The following RBBP8 variants were observed in gnomAD, a reference collection of about 807,000 sequenced individuals.
RBBP8 encodes RB binding protein 8, endonuclease, also known as DNA endonuclease RBBP8.
A neutral mutation model predicts 108.3 loss-of-function variants in RBBP8; 88 were observed. That is an observed-to-expected ratio of 0.81 (90% confidence interval 0.68 to 0.97). The LOEUF (loss-of-function observed/expected upper bound fraction) is 0.97, where lower values mean the gene tolerates loss of function less well. Ranked by LOEUF, RBBP8 falls within the 50% of genes least tolerant of loss-of-function variation. The pLI, the probability that RBBP8 is intolerant of heterozygous loss-of-function variation, is 0.00. For synonymous variants in RBBP8, 332 were observed against 348.2 expected (o/e 0.95, Z 0.52); for missense variants, 1,023 against 1,049.0 (o/e 0.98, Z 0.34).
chr18:23,008,769 A>ATTTTTTTTTTTT (rs71161355), intron 16 of RBBP8, among the ~76,000 whole-genome samples: 1 of 100,026 alleles, frequency 1.0e-5, no homozygotes, highest in Non-Finnish European at 1.9e-5. Flanking sequence ...TATGACTTTG[A>ATTTTTTTTTTTT]TTTTTTTTTT....
intron 7 of RBBP8, among the ~76,000 whole-genome samples, chr18:22,983,449 G>A (rs1351936543): frequency 6.6e-6 from 1 of 152,110 alleles, no homozygotes; most frequent in Non-Finnish European, 1.5e-5. Context: ...ACTTAAATAG[G>A]AGCTAAGTTA....
intron 4 of RBBP8, among the ~76,000 whole-genome samples, chr18:22,956,768 A>G (rs1290711188): frequency 4.6e-5 from 7 of 152,234 alleles, no homozygotes; most frequent in Non-Finnish European, 8.8e-5. Flanking sequence ...ATTAGATAAT[A>G]AAAAGTTCTA....
chr18:22,923,100 C>T (rs1156598337), intron 3 of RBBP8, among the ~76,000 whole-genome samples: 1 of 152,058 alleles, frequency 6.6e-6, no homozygotes, highest in African/African-American at 2.4e-5. Flanking sequence ...ATCTATCTAC[C>T]GTTAACAACA....
At position 22,968,024 on chromosome 18, in the gene RBBP8, T is replaced by G. The variant is rs566266882; in HGVS notation, c.249-782T>G. On this transcript the variant is annotated intron_variant, in intron 4 of 18. Transcript: ENST00000327155. ...TGCCAAAAGGAAAATATGAGGTGAC[T>G]TTTTCTCCCTTGTATTTCTTGACCT... Among the ~76,000 whole-genome samples, 9 of 152,048 alleles carry G rather than the reference T, an allele frequency of 5.9e-5. No homozygotes were observed. The South Asian group carries it at 1.9e-3, about 32-fold the overall frequency.
At chr18:23,022,656 A>AATAAATAAAATAAAATAAAAAT (rs2046382552) in intron 18 of RBBP8, among the ~76,000 whole-genome samples, 6 of 72,404 alleles carry the variant, frequency 8.3e-5, no homozygotes, top group African/African-American at 2.0e-4. Flanking sequence ...TACAATATAA[A>AATAAATAAAATAAAATAAAAAT]ATAAAATAAA....
intron 5 of RBBP8, among the ~76,000 whole-genome samples, chr18:22,969,746 T>G (rs1357718683): frequency 6.6e-6 from 1 of 152,160 alleles, no homozygotes; most frequent in Non-Finnish European, 1.5e-5. Context: ...CCCGCTTCCC[T>G]CCCTTCTCTT....
Position 22,990,955 on chromosome 18 carries a change from AGC to A in RBBP8, c.827_828del (p.Ser276ThrfsTer4), listed in dbSNP as rs1280737932. On this transcript the variant is annotated frameshift_variant, in exon 10 of 19. Coordinates refer to ENST00000327155, the MANE Select transcript of RBBP8 (RefSeq NM_002894.3). LOFTEE classifies it high-confidence loss of function. ...CTTGAAGGAAACTCAAGGTCCCATG[AGC>A]CCCCTTGGTGATGAGCTCTACCACT... ...QEESETQGPM[S>X]PLGDELYHCL... is the part of the protein sequence containing the mutation. The A allele has an allele frequency of 6.2e-7, 1 of 1,613,550 alleles. No homozygotes were observed. The highest frequency in any genetic ancestry group is 1.7e-5 in the Admixed American group (1 of 60,024).
chr18:22,936,901 C>T lies in RBBP8; in HGVS notation c.50C>T (p.Ser17Phe). 6.2e-7 allele frequency: 1 copy of T among 1,614,106 alleles called. No individual in the cohort carries two copies. The highest frequency in any genetic ancestry group is 1.6e-4 in the Middle Eastern group (1 of 6,062). ...GGAAGCCCTAACTCTGCAGATACAT[C>T]TAGTGACTTTAAGGACCTTTGGACA... The part of the protein sequence containing the change: ...SCGSPNSADT[S>F]SDFKDLWTKL... The change falls in exon 2 of 19, where the codon TCT becomes TTT. Residue 17 changes from serine to phenylalanine, a missense_variant. Physicochemically the swap from Ser to Phe is radical, Grantham distance 155. Coordinates refer to ENST00000327155, the MANE Select transcript of RBBP8 (RefSeq NM_002894.3).
intron 15 of RBBP8, among the ~76,000 whole-genome samples, chr18:23,003,439 T>TA (rs2045981282): frequency 6.6e-6 from 1 of 152,252 alleles, no homozygotes; most frequent in South Asian, 2.1e-4. Context: ...CTTAGCTGTC[T>TA]ACCTGCTTAA....
chr18:23,012,582 A>T (rs1195493613), intron 16 of RBBP8, among the ~76,000 whole-genome samples: 1 of 152,188 alleles, frequency 6.6e-6, no homozygotes, highest in African/African-American at 2.4e-5. Context: ...ATTTAGTTTG[A>T]GGAAGCTGCA....
intron 3 of RBBP8, among the ~76,000 whole-genome samples, chr18:22,923,005 T>C (rs1248589483): frequency 6.6e-6 from 1 of 152,200 alleles, no homozygotes; most frequent in Non-Finnish European, 1.5e-5. Flanking sequence ...TATAAATCTT[T>C]CACAATTTGC....
chr18:22,987,609 A>G (rs1915417148), intron 8 of RBBP8, among the ~76,000 whole-genome samples: 1 of 152,052 alleles, frequency 6.6e-6, no homozygotes, highest in Non-Finnish European at 1.5e-5. Flanking sequence ...ACACACCACC[A>G]TGTCTGGCTG....
chr18:22,962,167 C>A (rs968283236), intron 4 of RBBP8, among the ~76,000 whole-genome samples: 1 of 152,078 alleles, frequency 6.6e-6, no homozygotes, highest in Non-Finnish European at 1.5e-5. Context: ...GATCATAAAT[C>A]TCTTTCACAT....
chr18:22,999,218 GA>G (rs1166938101), intron 14 of RBBP8, among the ~76,000 whole-genome samples: 2 of 152,144 alleles, frequency 1.3e-5, no homozygotes, highest in Non-Finnish European at 2.9e-5. Context: ...TAACTCAGAG[GA>G]TTCAAACAAT....
At chr18:23,008,693 A>G (rs1297941353) in intron 16 of RBBP8, among the ~76,000 whole-genome samples, 1 of 150,998 alleles carries the variant, frequency 6.6e-6, no homozygotes, top group East Asian at 1.9e-4. Flanking sequence ...TCTGGCTGCT[A>G]GGGTTGCACT....
At chr18:23,004,192 C>T (rs2045998564) in intron 15 of RBBP8, among the ~76,000 whole-genome samples, 1 of 151,658 alleles carries the variant, frequency 6.6e-6, no homozygotes, top group Non-Finnish European at 1.5e-5. Context: ...TATTGCAGCA[C>T]TGTTCAGAAT....
intron 7 of RBBP8, 119 bp downstream of exon 7, chr18:22,982,512 C>T (rs1915006688): frequency 1.3e-6 from 2 of 1,552,818 alleles, no homozygotes; most frequent in African/African-American, 1.4e-5. Context: ...TCCCATGGTA[C>T]AACTATGAGT....
At chr18:22,957,529 A>G (rs1473275010) in intron 4 of RBBP8, among the ~76,000 whole-genome samples, 2 of 152,096 alleles carry the variant, frequency 1.3e-5, no homozygotes, top group Admixed American at 6.5e-5. Context: ...TTATTTCTTC[A>G]TCTTTGTGAA....
At chr18:22,929,165 T>C (rs770399074), upstream of RBBP8, among the ~76,000 whole-genome samples, 8 of 152,310 alleles carry the variant, frequency 5.3e-5, no homozygotes, top group Non-Finnish European at 7.3e-5. Context: ...TTCAAAATTA[T>C]ATTTAAGAGG....
Sources: allele counts gnomAD v4.1 joint callset (sites outside exome capture counted in the v4.1 genomes callset), GRCh38; gene constraint gnomAD v4.1.1; transcripts MANE v1.5; gene names NCBI Gene and HGNC (gene_info 2026-07-23, HGNC 2026-07-21).